DMD: variants seen among roughly 807,000 people sequenced by gnomAD.
DMD encodes dystrophin.
DMD carries 63 observed loss-of-function variants against 330.1 expected under a neutral mutation model. The ratio of observed to expected loss-of-function variants is 0.19; its 90% CI spans 0.16 to 0.24. The LOEUF (loss-of-function observed/expected upper bound fraction) is 0.24, where lower values mean the gene tolerates loss of function less well. Among genes scored for constraint, DMD ranks in the 10% least tolerant of loss-of-function variants. DMD has a pLI of 1.00. For missense variants in DMD, 3,344 were observed against 2,684.1 expected, an observed-to-expected ratio of 1.25 and a Z score of -5.43; for synonymous variants, 1,223 against 959.8, an observed-to-expected ratio of 1.27 and a Z score of -5.07.
At chrX:32,037,046 A>T (rs978096072) in intron 44 of DMD, among the ~76,000 whole-genome samples, 1 of 111,878 alleles carries the variant, frequency 8.9e-6, no homozygotes, top group African/African-American at 3.2e-5. Flanking sequence ...GGCTGGCAAC[A>T]TGATGTGGAG....
In DMD at chrX:31,378,029, T is replaced by C. The variant is rs190894310; in HGVS notation, c.9085-29395A>G. The stretch of plus-strand genomic sequence containing the variant: ...CATTTGACTGTAATTTTCCTTTACC[T>C]ACCCAAATCTTATAAAACGGCCCCA... On this transcript the variant is annotated intron_variant, in intron 60 of 78. Coordinates refer to ENST00000357033, the MANE Select transcript of DMD (RefSeq NM_004006.3). Among the ~76,000 whole-genome samples the C allele has an allele frequency of 5.8e-4, 65 of 111,359 alleles. No individual in the cohort carries two copies. The East Asian group carries it at 0.016, about 27-fold the overall frequency.
At chrX:32,180,023 A>C (rs191263944) in intron 44 of DMD, among the ~76,000 whole-genome samples, 1 of 111,996 alleles carries the variant, frequency 8.9e-6, no homozygotes, top group East Asian at 2.8e-4. Flanking sequence ...ACATAGGATT[A>C]TTGAGAAATA....
At chrX:33,247,049 T>C (rs144346381) in intron 1 of DMD, among the ~76,000 whole-genome samples, 4,698 of 112,027 alleles carry the variant, frequency 0.042, 244 homozygotes, top group African/African-American at 0.14. Flanking sequence ...TCAAGAACAC[T>C]GAATGATAAA....
At chrX:32,369,652 G>C (rs1017841365) in intron 34 of DMD, among the ~76,000 whole-genome samples, 2 of 111,009 alleles carry the variant, frequency 1.8e-5, no homozygotes, top group Non-Finnish European at 3.8e-5. Flanking sequence ...CACCCATTTC[G>C]TATTTTCACA....
chrX:32,834,222 C>A (rs188789544), intron 4 of DMD, among the ~76,000 whole-genome samples: 74 of 111,101 alleles, frequency 6.7e-4, no homozygotes, highest in African/African-American at 2.1e-3. Context: ...ATATAAAGTG[C>A]AAATATTTTA....
At chrX:31,807,100 G>A (rs921732988) in intron 50 of DMD, among the ~76,000 whole-genome samples, 3 of 111,352 alleles carry the variant, frequency 2.7e-5, no homozygotes, top group African/African-American at 9.8e-5. Context: ...AAGAGGTGAT[G>A]AACTCTATGT....
chrX:32,394,401 G>A (rs902240202), intron 30 of DMD, among the ~76,000 whole-genome samples: 5 of 111,926 alleles, frequency 4.5e-5, no homozygotes, highest in Non-Finnish European at 9.4e-5. Context: ...TCTGAACCTT[G>A]ATTTTCTCAT....
chrX:32,421,022 T>G (rs2098187389), intron 29 of DMD, among the ~76,000 whole-genome samples: 1 of 111,721 alleles, frequency 9.0e-6, no homozygotes, highest in Non-Finnish European at 1.9e-5. Flanking sequence ...GGTTCGAACT[T>G]GAAATTGTAT....
intron 58 of DMD, among the ~76,000 whole-genome samples, chrX:31,478,697 T>C (rs953604038): frequency 8.9e-6 from 1 of 112,273 alleles, no homozygotes; most frequent in Non-Finnish European, 1.9e-5. Context: ...TTTGCAACAA[T>C]AGAATTCCTC....
chrX:33,297,131 T>C (rs1283056367), intron 1 of DMD, among the ~76,000 whole-genome samples: 2 of 111,329 alleles, frequency 1.8e-5, no homozygotes, highest in Admixed American at 1.9e-4. Flanking sequence ...TTAAACCAAA[T>C]TAATAGTATA....
intron 51 of DMD, among the ~76,000 whole-genome samples, chrX:31,764,166 G>T (rs745680394): frequency 1.8e-5 from 2 of 111,610 alleles, no homozygotes; most frequent in African/African-American, 6.5e-5. Flanking sequence ...CATTGTGTCT[G>T]GACCCGTCCT....
At chrX:32,289,734 C>T (rs1255541992) in intron 42 of DMD, among the ~76,000 whole-genome samples, 1 of 111,627 alleles carries the variant, frequency 9.0e-6, no homozygotes, top group South Asian at 3.8e-4. Context: ...GTTACAAATG[C>T]ATGGCAATGT....
chrX:31,821,016 G>C (rs184776442), intron 49 of DMD, among the ~76,000 whole-genome samples: 1 of 112,700 alleles, frequency 8.9e-6, no homozygotes, highest in Admixed American at 9.4e-5. Flanking sequence ...CTAGCTATAC[G>C]ATAATTTATA....
chrX:32,465,921 C>A (rs1263870800), intron 23 of DMD, among the ~76,000 whole-genome samples: 2 of 111,139 alleles, frequency 1.8e-5, no homozygotes, highest in Non-Finnish European at 3.8e-5. Context: ...AATGCACTGG[C>A]TCGTTTTGAT....
At chrX:32,578,018 C>A in intron 13 of DMD, among the ~76,000 whole-genome samples, 1 of 112,261 alleles carries the variant, frequency 8.9e-6, no homozygotes, top group East Asian at 2.8e-4. Flanking sequence ...AAGAATGAAG[C>A]AAAGCAATTG....
Position 32,085,567 on chromosome X carries a change from C to CAT in DMD, c.6439-117055_6439-117054dup, listed in dbSNP as rs201148635. Reference sequence around the variant, plus strand: ...GTATCTTTCTGCTTCTGAGTTGTTTCATATATATATATACACACACACATA... The same window carrying CAT: ...GTATCTTTCTGCTTCTGAGTTGTTTCATATATATATATATACACACACACATA... On this transcript the variant is annotated intron_variant, in intron 44 of 78. Transcript: ENST00000357033. Among the ~76,000 whole-genome samples the CAT allele has an allele frequency of 9.9e-3, 870 of 88,168 alleles. 12 individuals carry two copies. Among genetic ancestry groups the CAT allele is most frequent in the African/African-American group, 0.032 (804 of 24,972 alleles). The allele number at this position is 88,168 out of a possible 115,157, so 76.6% of individuals were successfully genotyped here. A position where few individuals can be genotyped will look rare whatever the true frequency, so the allele number is the denominator to read the frequency against.
chrX:31,691,052 G>T (rs1412955316), intron 52 of DMD, among the ~76,000 whole-genome samples: 1 of 109,849 alleles, frequency 9.1e-6, no homozygotes, highest in Non-Finnish European at 1.9e-5. Context: ...TACCAACACG[G>T]CACATGTATA....
At chrX:32,287,163 C>T (rs992393572) in intron 43 of DMD, among the ~76,000 whole-genome samples, 1 of 111,281 alleles carries the variant, frequency 9.0e-6, no homozygotes, top group Non-Finnish European at 1.9e-5. Context: ...GTATTTTAAA[C>T]ATGTTAATCT....
chrX:33,087,266 C>T (rs374867223), intron 1 of DMD, among the ~76,000 whole-genome samples: 5 of 112,367 alleles, frequency 4.4e-5, no homozygotes, highest in Middle Eastern at 4.6e-3. Flanking sequence ...TAGCAACTAA[C>T]ATTTGATTCT....
Sources: gnomAD v4.1 joint callset for allele counts (sites outside exome capture counted in the v4.1 genomes callset) on GRCh38, gnomAD v4.1.1 for gene constraint, MANE v1.5 for transcripts, NCBI Gene and HGNC (gene_info 2026-07-23, HGNC 2026-07-21) for gene names.